Variants in SERPINI2 observed in about 807,000 individuals in gnomAD.
SERPINI2 encodes the protein serpin I2.
SERPINI2 carries 48 observed loss-of-function variants against 47.3 expected under a neutral mutation model. The ratio of observed to expected loss-of-function variants is 1.02; its 90% CI spans 0.81 to 1.29. The LOEUF is 1.29. Ranked by LOEUF, SERPINI2 falls within the 50% of genes most tolerant of loss-of-function variation. The pLI, the probability that SERPINI2 is intolerant of heterozygous loss-of-function variation, is 0.00. For missense variants in SERPINI2, 448 were observed against 456.9 expected (o/e 0.98, Z 0.18); for synonymous variants, 135 against 149.3 (o/e 0.90, Z 0.70).
chr3:167,473,864 C>A (rs4129073), intron 1 of SERPINI2, 139 bp downstream of exon 1: 2 of 1,222,754 alleles, frequency 1.6e-6, no homozygotes, highest in Non-Finnish European at 2.1e-6. Context: ...AGAATAAAAG[C>A]GATATGTTAA....
At chr3:167,468,413 C>A (rs939694852) in intron 2 of SERPINI2, among the ~76,000 whole-genome samples, 9 of 151,974 alleles carry the variant, frequency 5.9e-5, no homozygotes, top group Admixed American at 6.6e-5. Context: ...ATAGTTCCCT[C>A]TCTGGGGGCT....
upstream of SERPINI2, among the ~76,000 whole-genome samples, chr3:167,475,940 C>G (rs527373565): frequency 1.1e-3 from 164 of 151,698 alleles, no homozygotes; most frequent in Non-Finnish European, 8.9e-4. Context: ...TAAGCAAATG[C>G]CCTCATCAGT....
chr3:167,455,138 T>G (rs1749748487), intron 5 of SERPINI2, among the ~76,000 whole-genome samples: 1 of 152,222 alleles, frequency 6.6e-6, no homozygotes, highest in Non-Finnish European at 1.5e-5. Flanking sequence ...TTTTCCCTTT[T>G]CCTTAATCCT....
At chr3:167,456,357 G>C (rs1204758094) in intron 5 of SERPINI2, among the ~76,000 whole-genome samples, 1 of 151,962 alleles carries the variant, frequency 6.6e-6, no homozygotes, top group Non-Finnish European at 1.5e-5. Flanking sequence ...TGGTCACAAC[G>C]TATCTATTCT....
intron 7 of SERPINI2, among the ~76,000 whole-genome samples, chr3:167,447,362 A>G (rs972475761): frequency 6.6e-6 from 1 of 152,180 alleles, no homozygotes; most frequent in African/African-American, 2.4e-5. Flanking sequence ...CGATAAATCC[A>G]AAAGCAAGAT....
chr3:167,467,761 C>A (rs1233629417), intron 2 of SERPINI2, among the ~76,000 whole-genome samples: 1 of 152,132 alleles, frequency 6.6e-6, no homozygotes, highest in Admixed American at 6.6e-5. Context: ...TTATAAGCAA[C>A]TGCACCTGTA....
chr3:167,465,824 C>T (rs929507276), intron 3 of SERPINI2, 151 bp from the exon 4 acceptor site: 85 of 616,820 alleles, frequency 1.4e-4, no homozygotes, highest in Admixed American at 4.4e-4. Context: ...TGAGAATAGA[C>T]GGGATTGCTG....
chr3:167,460,571 G>A (rs2108164455), intron 5 of SERPINI2, among the ~76,000 whole-genome samples: 1 of 152,294 alleles, frequency 6.6e-6, no homozygotes, highest in South Asian at 2.1e-4. Flanking sequence ...ATGTAATGCT[G>A]TATTAGTGTG....
chr3:167,449,326 T>C (rs1177854720), exon 7 of SERPINI2: 8 of 1,611,796 alleles, frequency 5.0e-6, no homozygotes, highest in South Asian at 2.2e-5. Context: ...CAGTTGATGT[T>C]GCAGCTTCAC....
At chr3:167,472,216 C>A (rs1387260826) in intron 1 of SERPINI2, among the ~76,000 whole-genome samples, 1 of 152,016 alleles carries the variant, frequency 6.6e-6, no homozygotes, top group African/African-American at 2.4e-5. Context: ...GGTAAACCTT[C>A]TGTGCTGTCT....
In SERPINI2 at chr3:167,465,060, C is replaced by CAA. The variant is rs201050986; in HGVS notation, c.866+144_866+145dup. The CAA allele has an allele frequency of 6.8e-5, 48 of 711,094 alleles. No individual in the cohort carries two copies. The East Asian group carries it at 1.3e-3, about 19-fold the overall frequency. 44.0% of individuals were successfully genotyped at this position (711,094 alleles called of 1,614,324 possible). A position where few individuals can be genotyped will look rare whatever the true frequency, so the allele number is the denominator to read the frequency against. On this transcript the variant is annotated intron_variant, in intron 5 of 8. Transcript: ENST00000264677. ...CACAGGTAAGCCCTGCTTTAGTATC[C>CAA]AAAAGTAGAGTAAAATTTCCAAATA...
At chr3:167,471,709 C>G (rs1660490192) in exon 2 of SERPINI2, 1 of 1,613,386 alleles carries the variant, frequency 6.2e-7, no homozygotes, top group African/African-American at 1.3e-5. Flanking sequence ...TAATGTTGTC[C>G]TTATGAGATA....
intron 3 of SERPINI2, among the ~76,000 whole-genome samples, chr3:167,466,275 C>T (rs535945062): frequency 6.6e-6 from 1 of 152,120 alleles, no homozygotes; most frequent in East Asian, 1.9e-4. Flanking sequence ...ACATGGCTCA[C>T]CACGCTTATC....
chr3:167,468,958 A>T (rs1045789569), intron 2 of SERPINI2, among the ~76,000 whole-genome samples: 78 of 152,354 alleles, frequency 5.1e-4, no homozygotes, highest in African/African-American at 1.8e-3. Flanking sequence ...AAGTAGTTCC[A>T]AATCATTTGT....
At chr3:167,447,876 T>C (rs573515221) in intron 7 of SERPINI2, among the ~76,000 whole-genome samples, 1 of 152,234 alleles carries the variant, frequency 6.6e-6, no homozygotes, top group Admixed American at 6.5e-5. Context: ...CTTCAGGAGA[T>C]GACAAAATTG....
chr3:167,444,600 T>C (rs1402969623), intron 8 of SERPINI2, among the ~76,000 whole-genome samples: 2 of 152,194 alleles, frequency 1.3e-5, no homozygotes, highest in Admixed American at 1.3e-4. Context: ...AATCACTAAA[T>C]ATGTATTGTC....
exon 4 of SERPINI2, chr3:167,465,507 C>T (rs1248667681): frequency 1.9e-6 from 3 of 1,613,792 alleles, no homozygotes; most frequent in East Asian, 2.2e-5. Context: ...GAGCCTTCAT[C>T]ATTGGAATTT....
intron 2 of SERPINI2, chr3:167,469,379 C>T (rs1472766549): frequency 6.6e-6 from 1 of 152,096 alleles, no homozygotes; most frequent in Non-Finnish European, 1.5e-5. Flanking sequence ...AAGATGAAAA[C>T]AAACGTAGTC....
At chr3:167,467,403 C>G in intron 2 of SERPINI2, 118 bp from the exon 3 acceptor site, 1 of 624,114 alleles carries the variant, frequency 1.6e-6, no homozygotes, top group Admixed American at 3.1e-5. Flanking sequence ...TTAGGTATAA[C>G]TAACAATCCC....
Sources: allele counts gnomAD v4.1 joint callset (sites outside exome capture counted in the v4.1 genomes callset), GRCh38; gene constraint gnomAD v4.1.1; transcripts MANE v1.5; gene names NCBI Gene and HGNC (gene_info 2026-07-23, HGNC 2026-07-21).